The following MAST4 variants were observed in gnomAD, a reference collection of about 807,000 sequenced individuals.
MAST4 encodes microtubule associated serine/threonine kinase family member 4, also known as microtubule-associated serine/threonine-protein kinase 4.
MAST4 carries 89 observed loss-of-function variants against 162.7 expected under a neutral mutation model. That is an observed-to-expected ratio of 0.55 (90% confidence interval 0.46 to 0.65). MAST4 has a LOEUF of 0.65. MAST4 is among the 30% of genes least tolerant of loss of function. MAST4 has a pLI of 0.00. For missense variants in MAST4, 3,153 were observed against 3,374.0 expected (o/e 0.93, Z 1.62); for synonymous variants, 1,479 against 1,361.1 (o/e 1.09, Z -1.91).
chr5:66,885,082 C>T (rs781774816), intron 3 of MAST4, among the ~76,000 whole-genome samples: 2 of 152,276 alleles, frequency 1.3e-5, no homozygotes, highest in Middle Eastern at 3.4e-3. Flanking sequence ...CTTGCACAGA[C>T]AGAATGCAAA....
chr5:67,110,487 T>G (rs1346233627), intron 11 of MAST4, among the ~76,000 whole-genome samples: 1 of 152,250 alleles, frequency 6.6e-6, no homozygotes, highest in East Asian at 1.9e-4. Context: ...CATAATTACT[T>G]TATGTCACAG....
At chr5:67,006,728 G>T (rs995356297) in intron 4 of MAST4, among the ~76,000 whole-genome samples, 2 of 152,122 alleles carry the variant, frequency 1.3e-5, no homozygotes, top group Non-Finnish European at 2.9e-5. Flanking sequence ...GGATTCTCAG[G>T]CTGCTCTGAG....
intron 3 of MAST4, among the ~76,000 whole-genome samples, chr5:66,805,979 A>G (rs1339457203): frequency 6.6e-6 from 1 of 152,214 alleles, no homozygotes; most frequent in African/African-American, 2.4e-5. Flanking sequence ...TCCAACTGCC[A>G]TGCTAGCGGT....
At chr5:66,813,813 A>G (rs1385718824) in intron 3 of MAST4, among the ~76,000 whole-genome samples, 2 of 152,256 alleles carry the variant, frequency 1.3e-5, no homozygotes, top group East Asian at 3.9e-4. Context: ...AGTAGTAGTT[A>G]GTTGTGAAAG....
At chr5:66,740,624 C>T (rs948309379) in intron 1 of MAST4, among the ~76,000 whole-genome samples, 12 of 152,118 alleles carry the variant, frequency 7.9e-5, no homozygotes, top group African/African-American at 2.9e-4. Context: ...AGGAGGCTTA[C>T]ATAAATGTGG....
At chr5:66,789,379 T>A (rs1982327) in intron 3 of MAST4, among the ~76,000 whole-genome samples, 39,916 of 152,136 alleles carry the variant, frequency 0.26, 6,043 homozygotes, top group Non-Finnish European at 0.35. Context: ...ATGTCCTTTA[T>A]AGAATTTTCC....
At chr5:67,097,833 G>A (rs1764625813) in intron 7 of MAST4, among the ~76,000 whole-genome samples, 1 of 152,086 alleles carries the variant, frequency 6.6e-6, no homozygotes, top group African/African-American at 2.4e-5. Context: ...TAGTGTGAAA[G>A]TTCAATTATT....
intron 3 of MAST4, among the ~76,000 whole-genome samples, chr5:66,840,694 A>G (rs547161929): frequency 6.6e-5 from 10 of 152,126 alleles, no homozygotes; most frequent in Non-Finnish European, 1.2e-4. Context: ...GCAGGTTCAA[A>G]GTCTTGTGCT....
chr5:66,957,782 C>T (rs902266466), intron 4 of MAST4, among the ~76,000 whole-genome samples: 10 of 152,192 alleles, frequency 6.6e-5, no homozygotes, highest in African/African-American at 2.4e-4. Flanking sequence ...GGGCACAGAG[C>T]TGAGGGAGAC....
chr5:66,941,593 G>C (rs961191118), intron 4 of MAST4, among the ~76,000 whole-genome samples: 1 of 152,162 alleles, frequency 6.6e-6, no homozygotes, highest in Non-Finnish European at 1.5e-5. Flanking sequence ...ATATCAGCAA[G>C]AAGGCTGTTT....
At chr5:66,980,446 T>G (rs1748654112) in intron 4 of MAST4, among the ~76,000 whole-genome samples, 2 of 152,216 alleles carry the variant, frequency 1.3e-5, no homozygotes, top group Non-Finnish European at 2.9e-5. Flanking sequence ...TGAATTTAGC[T>G]AAGTTTCTGC....
chr5:67,163,137 C>A lies in MAST4; in HGVS notation c.3968-10C>A. 2 of 1,591,158 alleles carry A rather than the reference C, an allele frequency of 1.3e-6. No individual in the cohort carries two copies. Among genetic ancestry groups the A allele is most frequent in the Non-Finnish European group, 1.7e-6 (2 of 1,163,438 alleles). On this transcript the variant is annotated splice_polypyrimidine_tract_variant and intron_variant, in intron 28 of 28. Transcript: ENST00000403625. The surrounding 1 kb of genome is among the most constrained non-coding windows in gnomAD (Gnocchi z 7.0). The stretch of plus-strand genomic sequence containing the variant: ...ATGGATGCTCACAGCCTTCTGTTTT[C>A]CATCCACAGGTACTAATTCCTCCCA...
chr5:67,088,275 A>G (rs867779056), intron 5 of MAST4, among the ~76,000 whole-genome samples: 47 of 152,320 alleles, frequency 3.1e-4, no homozygotes, highest in South Asian at 1.0e-3. Flanking sequence ...ATTCGGTGCC[A>G]GGTTTCATTG....
rs1181713678 is a variant in MAST4 at position 67,169,508 on chromosome 5, T to C, written c.*2457T>C. ...GTCTTATTTTCTCTAAGAAATTCCTTATGGACGTCATAATTGTTGTATATT... is the reference window on the plus strand; with the variant it reads ...GTCTTATTTTCTCTAAGAAATTCCTCATGGACGTCATAATTGTTGTATATT... On this transcript the variant is annotated 3_prime_UTR_variant, in exon 29 of 29. Coordinates refer to ENST00000403625, the MANE Select transcript of MAST4 (RefSeq NM_001164664.2). The C allele has an allele frequency of 6.6e-6, 1 of 152,208 alleles. No homozygotes were observed. The highest frequency in any genetic ancestry group is 1.5e-5 in the Non-Finnish European group (1 of 68,032). 9.4% of individuals were successfully genotyped at this position (152,208 alleles called of 1,614,324 possible).
intron 4 of MAST4, among the ~76,000 whole-genome samples, chr5:66,947,860 G>A (rs1744215643): frequency 6.6e-6 from 1 of 152,172 alleles, no homozygotes; most frequent in South Asian, 2.1e-4. Context: ...AGTAGCTGAT[G>A]ATGTGAGGAG....
intron 4 of MAST4, chr5:67,005,116 G>A (rs754122023): frequency 1.4e-6 from 1 of 732,820 alleles, no homozygotes; most frequent in Non-Finnish European, 2.5e-6. Context: ...GCCTGGAGAG[G>A]GAATGCTTTC....
chr5:66,925,448 C>G (rs1257247026), intron 4 of MAST4, among the ~76,000 whole-genome samples: 1 of 152,160 alleles, frequency 6.6e-6, no homozygotes, highest in African/African-American at 2.4e-5. Flanking sequence ...TTAATAGGTT[C>G]CAGTAGTCAA....
intron 1 of MAST4, among the ~76,000 whole-genome samples, chr5:66,726,279 G>A (rs773989230): frequency 3.9e-5 from 6 of 151,990 alleles, no homozygotes; most frequent in Non-Finnish European, 8.8e-5. Context: ...TTTCTTGGGG[G>A]CAGGAGAGCA....
chr5:67,064,712 A>T (rs1408676836), intron 5 of MAST4, among the ~76,000 whole-genome samples: 1 of 152,240 alleles, frequency 6.6e-6, no homozygotes, highest in Non-Finnish European at 1.5e-5. Context: ...TGCCAAGTCC[A>T]AAAAGCAGCC....
Sources: gnomAD v4.1 joint callset for allele counts (sites outside exome capture counted in the v4.1 genomes callset) on GRCh38, gnomAD v4.1.1 for gene constraint, Gnocchi (gnomAD v3.1) non-coding constraint, MANE v1.5 for transcripts, NCBI Gene and HGNC (gene_info 2026-07-23, HGNC 2026-07-21) for gene names.